DGKI: variants seen among roughly 807,000 people sequenced by gnomAD.
DGKI encodes the protein diacylglycerol kinase iota.
In DGKI, 55 loss-of-function variants were observed where a neutral mutation model predicts 147.5. The ratio of observed to expected loss-of-function variants is 0.37; its 90% CI spans 0.30 to 0.47. The LOEUF is 0.47. DGKI is among the 20% of genes least tolerant of loss of function. The pLI, the probability that DGKI is intolerant of heterozygous loss-of-function variation, is 1.00. For synonymous variants in DGKI, 469 were observed against 477.1 expected (o/e 0.98, Z 0.22); for missense variants, 1,007 against 1,323.8 (o/e 0.76, Z 3.71).
intron 3 of DGKI, among the ~76,000 whole-genome samples, chr7:137,666,642 A>G (rs2116325902): frequency 6.6e-6 from 1 of 152,330 alleles, no homozygotes; most frequent in Admixed American, 6.5e-5. Context: ...ATCAAATGAT[A>G]CTAACAAACT....
intron 27 of DGKI, among the ~76,000 whole-genome samples, chr7:137,456,467 C>A (rs1007353511): frequency 1.8e-4 from 27 of 152,104 alleles, no homozygotes; most frequent in African/African-American, 6.5e-4. Context: ...CTATTCATCC[C>A]AAAAGCCTGC....
At chr7:137,797,070 T>C (rs879778450) in intron 1 of DGKI, among the ~76,000 whole-genome samples, 1 of 151,998 alleles carries the variant, frequency 6.6e-6, no homozygotes, top group Non-Finnish European at 1.5e-5. Context: ...AAGAGAAAAA[T>C]AATATGCCAG....
At chr7:137,661,371 A>G (rs867147132) in intron 3 of DGKI, among the ~76,000 whole-genome samples, 2 of 152,176 alleles carry the variant, frequency 1.3e-5, no homozygotes, top group Non-Finnish European at 2.9e-5. Context: ...GCAAGGAATC[A>G]CCAGCTATGA....
intron 21 of DGKI, among the ~76,000 whole-genome samples, chr7:137,508,739 C>T (rs1528101): frequency 0.026 from 3,974 of 152,116 alleles, 78 homozygotes; most frequent in South Asian, 0.072. Flanking sequence ...CAGAGCCCCT[C>T]TCTCTCAGGC....
chr7:137,522,196 C>G (rs1299143774), intron 20 of DGKI, among the ~76,000 whole-genome samples: 1 of 151,890 alleles, frequency 6.6e-6, no homozygotes, highest in Non-Finnish European at 1.5e-5. Flanking sequence ...GCAAAAAGAG[C>G]CTTTGGAGCC....
chr7:137,582,956 T>A (rs1194212964), intron 14 of DGKI, among the ~76,000 whole-genome samples: 1 of 152,168 alleles, frequency 6.6e-6, no homozygotes, highest in Non-Finnish European at 1.5e-5. Flanking sequence ...CTGTCTTCTC[T>A]GAGAGATAAG....
At chr7:137,679,944 T>C (rs773281577) in intron 2 of DGKI, among the ~76,000 whole-genome samples, 64 of 134,562 alleles carry the variant, frequency 4.8e-4, no homozygotes, top group Admixed American at 1.5e-3. Context: ...TGAGCCAAGA[T>C]CATGCCACTG....
intron 10 of DGKI, among the ~76,000 whole-genome samples, chr7:137,606,683 G>C (rs1281818627): frequency 1.3e-5 from 2 of 152,082 alleles, no homozygotes; most frequent in African/African-American, 2.4e-5. Context: ...ATTTTAAACA[G>C]CAAAAAAACT....
chr7:137,479,559 T>C (rs571505245), intron 23 of DGKI, among the ~76,000 whole-genome samples: 1 of 152,300 alleles, frequency 6.6e-6, no homozygotes, highest in South Asian at 2.1e-4. Context: ...GATGCACACA[T>C]AATTTAATGA....
intron 21 of DGKI, 48 bp downstream of exon 21, chr7:137,521,818 C>T (rs1361183479): frequency 7.3e-7 from 1 of 1,363,834 alleles, no homozygotes; most frequent in Non-Finnish European, 1.0e-6. Flanking sequence ...GATCAAGAAG[C>T]TGAAGATAGG....
intron 19 of DGKI, among the ~76,000 whole-genome samples, chr7:137,567,814 A>G (rs1354331403): frequency 1.3e-5 from 2 of 152,208 alleles, no homozygotes; most frequent in African/African-American, 2.4e-5. Context: ...AAAAGAAAGT[A>G]TCTTTTAAAA....
intron 2 of DGKI, among the ~76,000 whole-genome samples, chr7:137,681,254 G>A (rs987195190): frequency 6.6e-6 from 1 of 152,198 alleles, no homozygotes; most frequent in African/African-American, 2.4e-5. Flanking sequence ...ATTTTTCCCT[G>A]TTGCAAGTTC....
intron 17 of DGKI, among the ~76,000 whole-genome samples, chr7:137,573,876 T>C (rs970862195): frequency 6.6e-6 from 1 of 152,264 alleles, no homozygotes; most frequent in Non-Finnish European, 1.5e-5. Flanking sequence ...AAGTCTTTCA[T>C]GTTCCTTTCT....
At position 137,814,617 on chromosome 7, in the gene DGKI, T is replaced by A. The variant is rs527723335; in HGVS notation, c.401+31845A>T. Among the ~76,000 whole-genome samples, 4 of 152,296 alleles carry A rather than the reference T, an allele frequency of 2.6e-5. No homozygotes were observed. The South Asian group carries it at 8.3e-4, about 32-fold the overall frequency. On this transcript the variant is annotated intron_variant, in intron 1 of 32. Transcript: ENST00000614521. ...CTTGGGTATTATACCTCTTGAACAC[T>A]GCCCCTTGCTAGATATACATCTTGG...
At chr7:137,449,396 T>C (rs939726707) in intron 27 of DGKI, among the ~76,000 whole-genome samples, 5 of 152,206 alleles carry the variant, frequency 3.3e-5, no homozygotes, top group Admixed American at 2.0e-4. Context: ...GAAAGGACAG[T>C]CTTTTCAATA....
At chr7:137,466,597 T>A (rs1223634504) in intron 25 of DGKI, among the ~76,000 whole-genome samples, 1 of 152,118 alleles carries the variant, frequency 6.6e-6, no homozygotes, top group Non-Finnish European at 1.5e-5. Context: ...TAAAAAGACA[T>A]GAAATTTGGC....
In DGKI at chr7:137,846,731, G is replaced by A. The variant is rs1280787203; in HGVS notation, c.132C>T (p.Pro44=). The A allele has an allele frequency of 4.9e-6, 5 of 1,013,182 alleles. No individual in the cohort carries two copies. The highest frequency in any genetic ancestry group is 5.9e-5 in the Admixed American group (1 of 17,078). The allele number at this position is 1,013,182 out of a possible 1,614,324, so 62.8% of individuals were successfully genotyped here. A position where few individuals can be genotyped will look rare whatever the true frequency, so the allele number is the denominator to read the frequency against. ...TGGCGCCCGCTCCGGCGGCCGCGGA[G>A]GGAGCGCAGGCGGCGCCGCTGCAGG... ...PGPCSGAACA[P]SAAAGAGAMN... is the part of the protein sequence containing the mutation. The change falls in exon 1 of 33, where the codon CCC becomes CCT. Residue 44 remains proline, a synonymous_variant. Coordinates refer to ENST00000614521, the MANE Select transcript of DGKI (RefSeq NM_001321708.2). The surrounding 1 kb of genome is among the most constrained non-coding windows in gnomAD (Gnocchi z 4.0).
At chr7:137,505,732 G>A (rs2128944895) in intron 21 of DGKI, among the ~76,000 whole-genome samples, 1 of 146,314 alleles carries the variant, frequency 6.8e-6, no homozygotes, top group Admixed American at 6.8e-5. Context: ...AAAAAAGACT[G>A]GTACCCAAAA....
At chr7:137,812,460 C>T (rs1797620226) in intron 1 of DGKI, among the ~76,000 whole-genome samples, 2 of 152,174 alleles carry the variant, frequency 1.3e-5, no homozygotes, top group Non-Finnish European at 2.9e-5. Flanking sequence ...TTATATTTCC[C>T]TAGAGTCTTA....
Sources: gnomAD v4.1 joint callset for allele counts (sites outside exome capture counted in the v4.1 genomes callset) on GRCh38, gnomAD v4.1.1 for gene constraint, Gnocchi (gnomAD v3.1) non-coding constraint, MANE v1.5 for transcripts, NCBI Gene and HGNC (gene_info 2026-07-23, HGNC 2026-07-21) for gene names.